MICAL2: variants seen among roughly 807,000 people sequenced by gnomAD.
MICAL2 encodes [F-actin]-monooxygenase MICAL2.
A neutral mutation model predicts 127.3 loss-of-function variants in MICAL2; 77 were observed. The ratio of observed to expected loss-of-function variants is 0.60; its 90% CI spans 0.50 to 0.73. The LOEUF is 0.73. Among genes scored for constraint, MICAL2 ranks in the 30% least tolerant of loss-of-function variants. The probability of loss-of-function intolerance (pLI) is 0.00; values close to 1 mark genes in which losing one functional copy is unlikely to be tolerated. For missense variants in MICAL2, 1,351 were observed against 1,434.4 expected (o/e 0.94, Z 0.94); for synonymous variants, 570 against 551.1 (o/e 1.03, Z -0.48).
chr11:12,180,829 G>C (rs540518668), intron 3 of MICAL2, among the ~76,000 whole-genome samples: 1 of 150,798 alleles, frequency 6.6e-6, no homozygotes, highest in African/African-American at 2.4e-5. Context: ...GAGATATATT[G>C]TATTTTCAAG....
chr11:12,206,607 GCA>G (rs1355691086), intron 4 of MICAL2, among the ~76,000 whole-genome samples: 1 of 152,148 alleles, frequency 6.6e-6, no homozygotes, highest in Non-Finnish European at 1.5e-5. Context: ...AGCCTCAGCT[GCA>G]CCATCATACT....
chr11:12,293,999 A>C, downstream of MICAL2: 1 of 1,614,150 alleles, frequency 6.2e-7, no homozygotes, highest in Non-Finnish European at 8.5e-7. Context: ...GCAGAAGACC[A>C]TGTTGTTGGA....
chr11:12,261,119 G>T (rs927377254), intron 26 of MICAL2: 83 of 985,424 alleles, frequency 8.4e-5, no homozygotes, highest in Non-Finnish European at 9.9e-5. Flanking sequence ...GTCCACTTAT[G>T]TGGTGTCCTT....
intron 7 of MICAL2, among the ~76,000 whole-genome samples, chr11:12,213,822 C>G (rs921504505): frequency 2.0e-5 from 3 of 152,148 alleles, no homozygotes; most frequent in Non-Finnish European, 2.9e-5. Context: ...AGGAGGGAGC[C>G]AGTCACCTAT....
intron 3 of MICAL2, among the ~76,000 whole-genome samples, chr11:12,171,173 C>T (rs1021689717): frequency 3.9e-5 from 6 of 152,128 alleles, no homozygotes; most frequent in Non-Finnish European, 4.4e-5. Flanking sequence ...TCAAAAGAGA[C>T]GGGAAGTTAG....
At chr11:12,269,830 C>T (rs1254497015) in intron 24 of MICAL2, among the ~76,000 whole-genome samples, 1 of 152,230 alleles carries the variant, frequency 6.6e-6, no homozygotes, top group Admixed American at 6.5e-5. Context: ...CCGTGTGTAT[C>T]TGCACACCTA....
intron 26 of MICAL2, chr11:12,261,504 ACAATC>A (rs1863105753): frequency 8.1e-6 from 8 of 985,390 alleles, no homozygotes; most frequent in Non-Finnish European, 8.4e-6. Flanking sequence ...GTCTGGCTGA[ACAATC>A]AAGGGGCCGC....
chr11:12,262,415 T>A, intron 26 of MICAL2, 65 bp from the exon 27 acceptor site: 2 of 1,606,922 alleles, frequency 1.2e-6, no homozygotes, highest in Non-Finnish European at 1.7e-6. Context: ...ATTTCCTTTT[T>A]TCCCCACACT....
At chr11:12,112,535 C>T (rs114532011) in intron 1 of MICAL2, among the ~76,000 whole-genome samples, 1,331 of 112,340 alleles carry the variant, frequency 0.012, 22 homozygotes, top group African/African-American at 0.042. Context: ...ATTCTAGTTT[C>T]GTGGGGCTTT....
intron 29 of MICAL2, among the ~76,000 whole-genome samples, chr11:12,312,797 A>G (rs1397306947): frequency 2.0e-5 from 3 of 152,324 alleles, no homozygotes; most frequent in East Asian, 1.9e-4. Context: ...GTCTCTTCAG[A>G]TCTTTCTTGG....
rs1324639070 is a variant in MICAL2 at position 12,263,697 on chromosome 11, T to A, written c.*155T>A. ...TCATTTACAGTGCCACACGGAACCCTGTATTTTGCACACAGCAAAACAAAC... is the reference window on the plus strand; with the variant it reads ...TCATTTACAGTGCCACACGGAACCCAGTATTTTGCACACAGCAAAACAAAC... On this transcript the variant is annotated 3_prime_UTR_variant, in exon 28 of 28. Transcript: ENST00000683283. The A allele has an allele frequency of 6.5e-6, 1 of 152,698 alleles. No homozygotes were observed. Among genetic ancestry groups the A allele is most frequent in the African/African-American group, 2.4e-5 (1 of 41,468 alleles). The allele number at this position is 152,698 out of a possible 1,614,324, so 9.5% of individuals were successfully genotyped here.
At chr11:12,133,058 A>AT (rs980985738) in intron 1 of MICAL2, among the ~76,000 whole-genome samples, 10 of 151,702 alleles carry the variant, frequency 6.6e-5, no homozygotes, top group East Asian at 3.9e-4. Flanking sequence ...CAGGCCATGG[A>AT]TTTTTTTTCT....
intron 1 of MICAL2, among the ~76,000 whole-genome samples, chr11:12,117,641 T>C (rs111609129): frequency 6.6e-6 from 1 of 152,112 alleles, no homozygotes; most frequent in African/African-American, 2.4e-5. Context: ...TGCCAGGGGC[T>C]TGGTTGCTGA....
chr11:12,288,755 C>T (rs186079763), downstream of MICAL2, among the ~76,000 whole-genome samples: 496 of 152,292 alleles, frequency 3.3e-3, 2 homozygotes, highest in Non-Finnish European at 4.9e-3. Context: ...TGGATTCAGG[C>T]CTGCTCAGGC....
chr11:12,281,743 G>T (rs918409503), intron 2 of MICAL2, among the ~76,000 whole-genome samples: 1 of 152,226 alleles, frequency 6.6e-6, no homozygotes, highest in Non-Finnish European at 1.5e-5. Flanking sequence ...GTGGTCTCCC[G>T]AAGTCTCAGC....
intron 31 of MICAL2, among the ~76,000 whole-genome samples, chr11:12,325,850 G>T (rs7931843): frequency 0.55 from 83,252 of 152,160 alleles, 23,774 homozygotes; most frequent in Non-Finnish European, 0.65. Flanking sequence ...AGCTGTTACT[G>T]CACAGTGATC....
chr11:12,241,178 G>GT lies in MICAL2; in HGVS notation c.2337+17dup, dbSNP rs1282168709. The GT allele has an allele frequency of 2.5e-6, 4 of 1,610,166 alleles. No individual in the cohort carries two copies. Among genetic ancestry groups the GT allele is most frequent in the Non-Finnish European group, 3.4e-6 (4 of 1,177,936 alleles). On this transcript the variant is annotated intron_variant, in intron 18 of 27. Transcript: ENST00000683283. ...GAAAAGGCAGGTAGGGCTCCTTCCA[G>GT]TGGATGCTGTTTTGGTGAAGCCAGA...
intron 3 of MICAL2, among the ~76,000 whole-genome samples, chr11:12,171,141 C>T (rs753061004): frequency 1.3e-5 from 2 of 152,214 alleles, no homozygotes; most frequent in Non-Finnish European, 1.5e-5. Context: ...CCTTGACTAG[C>T]ATCTGGCTGC....
At chr11:12,259,579 T>C in intron 25 of MICAL2, 1 of 438,848 alleles carries the variant, frequency 2.3e-6, no homozygotes, top group Non-Finnish European at 4.0e-6. Flanking sequence ...TCAAAAGGCA[T>C]GCATATTTTT....
Sources: allele counts gnomAD v4.1 joint callset (sites outside exome capture counted in the v4.1 genomes callset), GRCh38; gene constraint gnomAD v4.1.1; transcripts MANE v1.5; gene names NCBI Gene and HGNC (gene_info 2026-07-23, HGNC 2026-07-21).